The following FGF13 variants were observed in gnomAD, a reference collection of about 807,000 sequenced individuals.
FGF13 encodes the protein fibroblast growth factor homologous factor 2.
Under a neutral mutation model 19.5 loss-of-function variants are expected in FGF13, and 2 were observed. That is an observed-to-expected ratio of 0.10 (90% CI 0.04 to 0.32). The LOEUF (loss-of-function observed/expected upper bound fraction) is 0.32. Among genes scored for constraint, FGF13 ranks in the 10% least tolerant of loss-of-function variants. The pLI, the probability that FGF13 is intolerant of heterozygous loss-of-function variation, is 1.00. For missense variants in FGF13, 113 were observed against 192.7 expected, an observed-to-expected ratio of 0.59 and a Z score of 2.45; for synonymous variants, 72 against 76.9, an observed-to-expected ratio of 0.94 and a Z score of 0.33.
intron 1 of FGF13, among the ~76,000 whole-genome samples, chrX:139,049,767 C>T (rs1014588491): frequency 1.8e-5 from 2 of 112,379 alleles, no homozygotes; most frequent in Non-Finnish European, 3.8e-5. Flanking sequence ...CAATAAGTTT[C>T]GGAATCCCAT....
intron 2 of FGF13, among the ~76,000 whole-genome samples, chrX:138,707,890 A>C (rs917223913): frequency 8.9e-6 from 1 of 112,525 alleles, no homozygotes; most frequent in Non-Finnish European, 1.9e-5. Flanking sequence ...AAAGCTGCAG[A>C]GTATACTGCT....
At chrX:139,107,427 T>C (rs1001507885) in intron 1 of FGF13, among the ~76,000 whole-genome samples, 4 of 112,281 alleles carry the variant, frequency 3.6e-5, no homozygotes, top group African/African-American at 6.5e-5. Context: ...AGGTCATTGA[T>C]AAAATATGCT....
chrX:138,832,186 A>T (rs1194034555), intron 3 of FGF13, among the ~76,000 whole-genome samples: 2 of 112,037 alleles, frequency 1.8e-5, no homozygotes, highest in African/African-American at 6.5e-5. Flanking sequence ...CAGTAATGGG[A>T]TTGTTGAGTT....
chrX:138,640,975 T>C (rs1313761243), intron 3 of FGF13, among the ~76,000 whole-genome samples: 1 of 111,537 alleles, frequency 9.0e-6, no homozygotes, highest in Admixed American at 9.5e-5. Flanking sequence ...TTACATGGGC[T>C]GCACTGATTC....
At chrX:138,957,373 T>C (rs1233055849) in intron 1 of FGF13, among the ~76,000 whole-genome samples, 1 of 111,917 alleles carries the variant, frequency 8.9e-6, no homozygotes, top group African/African-American at 3.2e-5. Flanking sequence ...TTACTTTTCA[T>C]CTCCAAATCA....
chrX:138,704,425 C>T (rs1006785132), intron 2 of FGF13, among the ~76,000 whole-genome samples: 4 of 112,345 alleles, frequency 3.6e-5, no homozygotes, highest in African/African-American at 9.7e-5. Flanking sequence ...TCTCAGGAGT[C>T]GTAGACCAAT....
At position 138,615,916 on chromosome X, in the gene FGF13, A is replaced by T. The variant is rs1471372634; in HGVS notation, c.*16934T>A. The T allele has an allele frequency of 9.0e-6, 1 of 111,173 alleles. No individual in the cohort carries two copies. Among genetic ancestry groups the T allele is most frequent in the Non-Finnish European group, 1.9e-5 (1 of 53,086 alleles). The allele number at this position is 111,173 out of a possible 1,213,427, so 9.2% of individuals were successfully genotyped here. On this transcript the variant is annotated 3_prime_UTR_variant, in exon 5 of 5. Coordinates refer to ENST00000315930, the MANE Select transcript of FGF13 (RefSeq NM_004114.5). ...TGCTTATAAAACCATTGGATCTGTT[A>T]TAAATCACTATCATGAGAATAGCAT... is the stretch of plus-strand genomic sequence containing the variant.
chrX:138,743,531 G>C (rs769805700), upstream of FGF13, among the ~76,000 whole-genome samples: 7 of 110,939 alleles, frequency 6.3e-5, no homozygotes, highest in Non-Finnish European at 1.3e-4. Flanking sequence ...ATGGACTTTC[G>C]GTGATAAGGG....
intron 1 of FGF13, among the ~76,000 whole-genome samples, chrX:139,037,291 TA>T (rs763100080): frequency 9.0e-6 from 1 of 111,301 alleles, no homozygotes; most frequent in Non-Finnish European, 1.9e-5. Context: ...CTCCATATAC[TA>T]AAGAAAATAA....
chrX:138,882,592 G>GT (rs1367064158), intron 1 of FGF13, among the ~76,000 whole-genome samples: 3 of 111,683 alleles, frequency 2.7e-5, no homozygotes, highest in Non-Finnish European at 5.6e-5. Context: ...GGGAAGCATG[G>GT]TTTCATTTTA....
chrX:139,178,649 T>C (rs756218888), intron 1 of FGF13, among the ~76,000 whole-genome samples: 1 of 112,229 alleles, frequency 8.9e-6, no homozygotes, highest in East Asian at 2.8e-4. Context: ...ACAAGATATC[T>C]CAAGAGCCAG....
At chrX:139,002,506 C>T (rs2092078209) in intron 1 of FGF13, among the ~76,000 whole-genome samples, 2 of 111,132 alleles carry the variant, frequency 1.8e-5, no homozygotes, top group South Asian at 7.8e-4. Context: ...AGCCAGTAGA[C>T]TCAGGGGGAT....
At chrX:138,961,827 T>C (rs948719138) in intron 1 of FGF13, among the ~76,000 whole-genome samples, 3 of 111,807 alleles carry the variant, frequency 2.7e-5, no homozygotes, top group African/African-American at 9.8e-5. Context: ...CCTTACACCT[T>C]ATACAAAAAT....
chrX:139,000,755 C>T (rs2092069384), intron 1 of FGF13, among the ~76,000 whole-genome samples: 1 of 111,986 alleles, frequency 8.9e-6, no homozygotes, highest in Non-Finnish European at 1.9e-5. Context: ...AATGGCCATA[C>T]TGCCCAAGGT....
intron 1 of FGF13, among the ~76,000 whole-genome samples, chrX:138,880,938 A>T (rs2091420554): frequency 9.0e-6 from 1 of 111,520 alleles, no homozygotes; most frequent in Admixed American, 9.5e-5. Flanking sequence ...TGTTTTGAGG[A>T]TGAGCTTTTA....
intron 3 of FGF13, among the ~76,000 whole-genome samples, chrX:138,781,845 G>C (rs780735113): frequency 9.0e-6 from 1 of 111,715 alleles, no homozygotes; most frequent in Non-Finnish European, 1.9e-5. Flanking sequence ...GCCGGGCAGA[G>C]ACACAACGAA....
chrX:138,895,191 T>C (rs1305228098), intron 1 of FGF13, among the ~76,000 whole-genome samples: 1 of 111,991 alleles, frequency 8.9e-6, no homozygotes, highest in African/African-American at 3.3e-5. Context: ...ATATTCAAGG[T>C]GTACAACTTG....
chrX:138,756,912 A>G (rs760541594), intron 3 of FGF13, among the ~76,000 whole-genome samples: 1 of 110,935 alleles, frequency 9.0e-6, no homozygotes, highest in Non-Finnish European at 1.9e-5. Flanking sequence ...CCAGTCCTTT[A>G]CCTACTTCCA....
At chrX:138,961,033 C>T (rs367930758) in intron 1 of FGF13, among the ~76,000 whole-genome samples, 4 of 111,283 alleles carry the variant, frequency 3.6e-5, no homozygotes, top group African/African-American at 3.3e-5. Context: ...GGTCATTCTC[C>T]GTGCAGCTCT....
Sources: allele counts gnomAD v4.1 joint callset (sites outside exome capture counted in the v4.1 genomes callset), GRCh38; gene constraint gnomAD v4.1.1; transcripts MANE v1.5; gene names NCBI Gene and HGNC (gene_info 2026-07-23, HGNC 2026-07-21).